IMMP2L: variants seen among roughly 807,000 people sequenced by gnomAD.
The protein encoded by IMMP2L is mitochondrial inner membrane protease subunit 2.
IMMP2L carries 18 observed loss-of-function variants against 19.3 expected under a neutral mutation model. The ratio of observed to expected loss-of-function variants is 0.93; its 90% CI spans 0.64 to 1.38. The LOEUF (loss-of-function observed/expected upper bound fraction) is 1.38, where lower values mean the gene tolerates loss of function less well. Ranked by LOEUF, IMMP2L falls within the 40% of genes most tolerant of loss-of-function variation. The pLI, the probability that IMMP2L is intolerant of heterozygous loss-of-function variation, is 0.00. For missense variants in IMMP2L, 233 were observed against 218.2 expected, an observed-to-expected ratio of 1.07 and a Z score of -0.43; for synonymous variants, 76 against 73.0, an observed-to-expected ratio of 1.04 and a Z score of -0.21.
intron 4 of IMMP2L, among the ~76,000 whole-genome samples, chr7:110,905,875 A>G (rs952085140): frequency 3.3e-5 from 5 of 152,280 alleles, no homozygotes; most frequent in Admixed American, 1.3e-4. Context: ...TGAAATACAC[A>G]ATTTATTTAC....
At chr7:111,451,714 A>T (rs76746676) in intron 3 of IMMP2L, among the ~76,000 whole-genome samples, 6 of 103,756 alleles carry the variant, frequency 5.8e-5, no homozygotes, top group South Asian at 2.8e-4. Flanking sequence ...AAGTATAATT[A>T]AAAAAAAAAA....
Position 110,949,810 on chromosome 7 carries a change from T to A in IMMP2L, c.305+13690A>T, listed in dbSNP as rs1299881202. On this transcript the variant is annotated intron_variant, in intron 4 of 5. Transcript: ENST00000405709. ...TCGCAATATGCAGGAAGAAGCAGGT[T>A]AAGATTAGAAAGATACAGTAGATAG... Among the ~76,000 whole-genome samples the A allele has an allele frequency of 4.6e-5, 7 of 152,260 alleles. 1 individual carries two copies. In the South Asian group the frequency reaches 1.5e-3, roughly 32 times the overall value.
chr7:111,358,931 A>T (rs1828991651), intron 3 of IMMP2L, among the ~76,000 whole-genome samples: 1 of 152,164 alleles, frequency 6.6e-6, no homozygotes, highest in Non-Finnish European at 1.5e-5. Flanking sequence ...TCTTTTTCCT[A>T]GGTGTGCAGA....
intron 3 of IMMP2L, among the ~76,000 whole-genome samples, chr7:111,060,581 T>G (rs2129574407): frequency 6.6e-6 from 1 of 152,308 alleles, no homozygotes; most frequent in African/African-American, 2.4e-5. Flanking sequence ...TACTGGTTGT[T>G]AATACTTTGG....
At chr7:110,822,494 C>T (rs1803125162) in intron 5 of IMMP2L, among the ~76,000 whole-genome samples, 1 of 152,096 alleles carries the variant, frequency 6.6e-6, no homozygotes, top group Non-Finnish European at 1.5e-5. Flanking sequence ...CTGTAAACAC[C>T]TCCTTATCCT....
chr7:110,809,634 G>C (rs138677470), intron 5 of IMMP2L, among the ~76,000 whole-genome samples: 1 of 151,934 alleles, frequency 6.6e-6, no homozygotes, highest in Admixed American at 6.6e-5. Context: ...TTATGAACTA[G>C]ATAAATATAA....
intron 5 of IMMP2L, among the ~76,000 whole-genome samples, chr7:110,744,441 T>A (rs1230212757): frequency 6.6e-6 from 1 of 152,206 alleles, no homozygotes; most frequent in African/African-American, 2.4e-5. Flanking sequence ...GACCCCTGTG[T>A]ATCCTGACTA....
chr7:111,170,210 C>T (rs918537526), intron 3 of IMMP2L, among the ~76,000 whole-genome samples: 10 of 151,762 alleles, frequency 6.6e-5, no homozygotes, highest in Admixed American at 1.3e-4. Context: ...GTCTCTCTCT[C>T]GTTAGTCTTG....
intron 3 of IMMP2L, among the ~76,000 whole-genome samples, chr7:111,241,234 T>C (rs1235527033): frequency 6.6e-6 from 1 of 151,998 alleles, no homozygotes; most frequent in Non-Finnish European, 1.5e-5. Flanking sequence ...CAAGTCACTA[T>C]GGATGTGACT....
intron 5 of IMMP2L, among the ~76,000 whole-genome samples, chr7:110,750,587 T>C (rs563217946): frequency 6.6e-6 from 1 of 152,146 alleles, no homozygotes; most frequent in South Asian, 2.1e-4. Flanking sequence ...TTAATAGCAA[T>C]TATGGTGACT....
intron 3 of IMMP2L, among the ~76,000 whole-genome samples, chr7:111,105,912 A>C (rs939718544): frequency 6.6e-6 from 1 of 151,988 alleles, no homozygotes; most frequent in African/African-American, 2.4e-5. Context: ...GTATGTATCA[A>C]ATCTACGCAT....
chr7:111,318,336 G>A (rs138633148), intron 3 of IMMP2L, among the ~76,000 whole-genome samples: 1 of 152,120 alleles, frequency 6.6e-6, no homozygotes, highest in African/African-American at 2.4e-5. Context: ...GAACAGAAAA[G>A]GGGTTGAGCA....
At chr7:111,393,901 T>C (rs1034462597) in intron 3 of IMMP2L, among the ~76,000 whole-genome samples, 6 of 152,158 alleles carry the variant, frequency 3.9e-5, no homozygotes, top group African/African-American at 7.2e-5. Flanking sequence ...GGCCCAAAGA[T>C]AGCCAAGAGA....
chr7:110,672,309 G>A (rs1219034666), intron 5 of IMMP2L, among the ~76,000 whole-genome samples: 1 of 151,998 alleles, frequency 6.6e-6, no homozygotes, highest in Admixed American at 6.6e-5. Flanking sequence ...GCATGAGGGT[G>A]ATTGACCCCA....
chr7:111,151,600 C>A (rs1176777345), intron 3 of IMMP2L, among the ~76,000 whole-genome samples: 3 of 152,132 alleles, frequency 2.0e-5, no homozygotes, highest in South Asian at 4.1e-4. Context: ...TTTGAAAAAA[C>A]CAAATGTAAA....
intron 5 of IMMP2L, among the ~76,000 whole-genome samples, chr7:110,676,435 T>C (rs888908118): frequency 2.6e-5 from 4 of 152,252 alleles, no homozygotes; most frequent in Admixed American, 6.5e-5. Context: ...ATCTATACTC[T>C]AGACCCTATA....
chr7:111,149,629 T>G (rs1803857448), intron 3 of IMMP2L, among the ~76,000 whole-genome samples: 1 of 152,178 alleles, frequency 6.6e-6, no homozygotes. Context: ...TTATTCAAAT[T>G]GTTGCAAATG....
chr7:111,214,635 G>A (rs896571551), intron 3 of IMMP2L, among the ~76,000 whole-genome samples: 4 of 150,236 alleles, frequency 2.7e-5, no homozygotes, highest in African/African-American at 9.8e-5. Flanking sequence ...TTACAGGTGT[G>A]AGCCACCATG....
At chr7:111,311,933 A>G (rs1823568862) in intron 3 of IMMP2L, among the ~76,000 whole-genome samples, 3 of 152,120 alleles carry the variant, frequency 2.0e-5, no homozygotes, top group African/African-American at 7.2e-5. Flanking sequence ...GAGAGAGTCT[A>G]TTTTGAAAGT....
Sources: gnomAD v4.1 joint callset for allele counts (sites outside exome capture counted in the v4.1 genomes callset) on GRCh38, gnomAD v4.1.1 for gene constraint, MANE v1.5 for transcripts, NCBI Gene and HGNC (gene_info 2026-07-23, HGNC 2026-07-21) for gene names.